The following TESK2 variants were observed in gnomAD, a reference collection of about 807,000 sequenced individuals.
TESK2 encodes testis associated actin remodelling kinase 2, also known as dual specificity testis-specific protein kinase 2.
Under a neutral mutation model 57.1 loss-of-function variants are expected in TESK2, and 39 were observed. That is an observed-to-expected ratio of 0.68 (90% CI 0.53 to 0.89). The LOEUF is 0.89. TESK2 is among the 40% of genes least tolerant of loss of function. The probability of loss-of-function intolerance (pLI) is 0.00; values close to 1 mark genes in which losing one functional copy is unlikely to be tolerated. For synonymous variants in TESK2, 249 were observed against 267.9 expected, an observed-to-expected ratio of 0.93 and a Z score of 0.69; for missense variants, 646 against 732.1, an observed-to-expected ratio of 0.88 and a Z score of 1.36.
At chr1:45,472,812 G>A (rs190714694) in intron 1 of TESK2, among the ~76,000 whole-genome samples, 23 of 152,052 alleles carry the variant, frequency 1.5e-4, no homozygotes, top group Admixed American at 3.9e-4. Context: ...TGGAGCTTAG[G>A]AGAGAGGACT....
At chr1:45,346,309 C>T (rs1308083621) in intron 9 of TESK2, among the ~76,000 whole-genome samples, 1 of 152,126 alleles carries the variant, frequency 6.6e-6, no homozygotes, top group Non-Finnish European at 1.5e-5. Flanking sequence ...GCCCACCTAC[C>T]CCTTGATCCT....
intron 4 of TESK2, among the ~76,000 whole-genome samples, chr1:45,364,966 G>T (rs1425609010): frequency 1.3e-5 from 2 of 152,184 alleles, no homozygotes; most frequent in Admixed American, 1.3e-4. Context: ...CTACTCTTTG[G>T]AGGGGCTCTT....
At chr1:45,357,118 C>G (rs534672759) in intron 4 of TESK2, among the ~76,000 whole-genome samples, 1 of 151,818 alleles carries the variant, frequency 6.6e-6, no homozygotes, top group African/African-American at 2.4e-5. Context: ...ATCACTTGAA[C>G]CCGGGAGGCA....
chr1:45,485,006 G>C (rs969478836), intron 1 of TESK2, among the ~76,000 whole-genome samples: 2 of 151,150 alleles, frequency 1.3e-5, no homozygotes, highest in Non-Finnish European at 2.9e-5. Context: ...ACTCCAGCCT[G>C]GGCAACAGAG....
intron 3 of TESK2, among the ~76,000 whole-genome samples, chr1:45,402,428 A>C (rs562920692): frequency 3.4e-4 from 51 of 151,414 alleles, no homozygotes; most frequent in African/African-American, 1.1e-3. Flanking sequence ...AAAAAAGAAA[A>C]AGAAACAGAT....
At chr1:45,456,265 TC>T (rs1389185872) in intron 2 of TESK2, among the ~76,000 whole-genome samples, 1 of 152,098 alleles carries the variant, frequency 6.6e-6, no homozygotes. Flanking sequence ...ATGCCTATAA[TC>T]CCAGCACTTT....
At chr1:45,427,659 T>C (rs902583071) in intron 2 of TESK2, among the ~76,000 whole-genome samples, 2 of 152,106 alleles carry the variant, frequency 1.3e-5, no homozygotes, top group Non-Finnish European at 2.9e-5. Flanking sequence ...AAGCCAGACA[T>C]AGAAAGACAA....
intron 4 of TESK2, among the ~76,000 whole-genome samples, chr1:45,382,222 A>G (rs891189413): frequency 2.6e-5 from 4 of 151,980 alleles, no homozygotes; most frequent in African/African-American, 4.8e-5. Flanking sequence ...GTTTCATGTG[A>G]CTTTTCACCA....
intron 5 of TESK2, among the ~76,000 whole-genome samples, chr1:45,354,882 A>G (rs973671785): frequency 2.1e-5 from 3 of 145,936 alleles, no homozygotes; most frequent in African/African-American, 7.6e-5. Flanking sequence ...GGAACCTGCT[A>G]TAAGAAAATA....
intron 2 of TESK2, among the ~76,000 whole-genome samples, chr1:45,442,480 A>G (rs186395023): frequency 6.6e-6 from 1 of 152,324 alleles, no homozygotes; most frequent in East Asian, 1.9e-4. Context: ...GAAGTTTCCA[A>G]TTATACTCCC....
intron 1 of TESK2, among the ~76,000 whole-genome samples, chr1:45,466,359 C>A: frequency 6.6e-6 from 1 of 152,100 alleles, no homozygotes; most frequent in East Asian, 1.9e-4. Flanking sequence ...CCTGTAGTCC[C>A]AGCTACTCAG....
chr1:45,384,593 A>ATTTTTTTTTTTTTTTTTTT (rs59988269), intron 4 of TESK2, among the ~76,000 whole-genome samples: 2 of 70,860 alleles, frequency 2.8e-5, no homozygotes, highest in African/African-American at 5.7e-5. Context: ...CTAATTATTA[A>ATTTTTTTTTTTTTTTTTTT]TTTTTTTTTT....
chr1:45,409,728 G>A (rs546663087), intron 3 of TESK2, among the ~76,000 whole-genome samples: 1 of 152,276 alleles, frequency 6.6e-6, no homozygotes, highest in East Asian at 1.9e-4. Context: ...TAGGGTGTAA[G>A]AGAAAGATAA....
At chr1:45,446,778 C>A (rs1433790021) in intron 2 of TESK2, among the ~76,000 whole-genome samples, 2 of 152,158 alleles carry the variant, frequency 1.3e-5, no homozygotes, top group Non-Finnish European at 2.9e-5. Context: ...TTCCCTAAGG[C>A]AGGTACAGGG....
At chr1:45,429,669 TCTA>T (rs1296871524) in intron 2 of TESK2, among the ~76,000 whole-genome samples, 1 of 152,160 alleles carries the variant, frequency 6.6e-6, no homozygotes, top group African/African-American at 2.4e-5. Flanking sequence ...GTGCTAAAGT[TCTA>T]CTAAGTTGTT....
rs1035825236 is a variant in TESK2, at chr1:45,345,487, A to C, written c.1069T>G (p.Cys357Gly). 22 of 1,614,040 alleles carry C rather than the reference A, an allele frequency of 1.4e-5. No homozygotes were observed. The highest frequency in any genetic ancestry group is 1.6e-5 in the Non-Finnish European group (19 of 1,180,024). Residue 357 changes from cysteine to glycine, a missense_variant, in exon 11 of 11, where the codon TGC becomes GGC. Coordinates refer to ENST00000372086, the MANE Select transcript of TESK2 (RefSeq NM_007170.3). ...LDDKIPHKSP[C>G]PRRTIWLSRS... is the part of the protein sequence containing the mutation. The stretch of plus-strand genomic sequence containing the variant: ...GACAGCCAGATGGTACGTCTTGGGC[A>C]TGGTGACTTGTGGGGGATCTTGTCA...
At chr1:45,367,328 T>A (rs1048114168) in intron 4 of TESK2, among the ~76,000 whole-genome samples, 1 of 151,372 alleles carries the variant, frequency 6.6e-6, no homozygotes. Context: ...AGCTGCACCC[T>A]CCAAGTTTTC....
chr1:45,408,333 A>AT (rs1015104223), intron 3 of TESK2, among the ~76,000 whole-genome samples: 29 of 151,336 alleles, frequency 1.9e-4, no homozygotes, highest in Admixed American at 3.3e-4. Flanking sequence ...TTTGTATGGG[A>AT]TTTTTTTTTA....
At chr1:45,477,904 A>G (rs964966905) in intron 1 of TESK2, among the ~76,000 whole-genome samples, 2 of 152,158 alleles carry the variant, frequency 1.3e-5, no homozygotes, top group Non-Finnish European at 2.9e-5. Flanking sequence ...TATGATGTTC[A>G]TGTCATTCTA....
Sources: gnomAD v4.1 joint callset for allele counts (sites outside exome capture counted in the v4.1 genomes callset) on GRCh38, gnomAD v4.1.1 for gene constraint, MANE v1.5 for transcripts, NCBI Gene and HGNC (gene_info 2026-07-23, HGNC 2026-07-21) for gene names.